The following VWDE variants were observed in gnomAD, a reference collection of about 807,000 sequenced individuals.
VWDE encodes von Willebrand factor D and EGF domains, also known as von Willebrand factor D and EGF domain-containing protein.
In VWDE, 207 loss-of-function variants were observed where a neutral mutation model predicts 178.4. That is an observed-to-expected ratio of 1.16 (90% CI 1.04 to 1.30). The LOEUF is 1.30. Ranked by LOEUF, VWDE falls within the 50% of genes most tolerant of loss-of-function variation. VWDE has a pLI of 0.00. For missense variants in VWDE, 2,287 were observed against 1,901.3 expected (o/e 1.20, Z -3.77); for synonymous variants, 738 against 651.4 (o/e 1.13, Z -2.02).
chr7:12,376,512 G>A (rs1162689424), intron 7 of VWDE, among the ~76,000 whole-genome samples: 2 of 152,064 alleles, frequency 1.3e-5, no homozygotes, highest in African/African-American at 4.8e-5. Flanking sequence ...TTGCCTTGTT[G>A]AAAGAATTGA....
intron 6 of VWDE, among the ~76,000 whole-genome samples, chr7:12,378,691 G>C (rs1308261141): frequency 6.6e-6 from 1 of 152,116 alleles, no homozygotes; most frequent in African/African-American, 2.4e-5. Flanking sequence ...CTTGACCTCT[G>C]CTTCCCCTCA....
At chr7:12,345,364 T>C (rs1433198887) in intron 19 of VWDE, among the ~76,000 whole-genome samples, 1 of 152,142 alleles carries the variant, frequency 6.6e-6, no homozygotes, top group Non-Finnish European at 1.5e-5. Flanking sequence ...ATAATTTTCT[T>C]TGTATCTTCT....
intron 28 of VWDE, among the ~76,000 whole-genome samples, chr7:12,332,206 G>C (rs1251535679): frequency 6.7e-6 from 1 of 149,102 alleles, no homozygotes; most frequent in Non-Finnish European, 1.5e-5. Flanking sequence ...AAAGACACCA[G>C]TGATCAACAG....
Position 12,373,138 on chromosome 7 carries a change from A to G in VWDE, c.1426T>C (p.Ser476Pro). 1 of 1,551,416 alleles carries G rather than the reference A, an allele frequency of 6.4e-7. No homozygotes were observed. Among genetic ancestry groups the G allele is most frequent in the African/African-American group, 1.4e-5 (1 of 73,140 alleles). ...TGGGCAACAAACCCACAATTACATGACACTGGATAGTGAAGGCTTCTGCAG... is the reference window on the plus strand; with the variant it reads ...TGGGCAACAAACCCACAATTACATGGCACTGGATAGTGAAGGCTTCTGCAG... The part of the protein sequence containing the change: ...WDCRSLHYPV[S>P]CNCGFVAQEG... The change falls in exon 10 of 29, where the codon TCA becomes CCA. Residue 476 changes from serine to proline, a missense_variant. Ser to Pro is a moderately conservative substitution (Grantham distance 74). Coordinates refer to ENST00000275358, the MANE Select transcript of VWDE (RefSeq NM_001135924.3).
Position 12,340,321 on chromosome 7 carries a change from C to T in VWDE, c.4366+1G>A. ...TTTACATACAAAGAAAGAATAATTA[C>T]CATTCTGACAGTGTTCCCCAAAGAA... is the stretch of plus-strand genomic sequence containing the variant. On this transcript the variant is annotated splice_donor_variant, in intron 24 of 28. Transcript: ENST00000275358. LOFTEE classifies it high-confidence loss of function. 1 of 1,548,268 alleles carries T rather than the reference C, an allele frequency of 6.5e-7. No individual in the cohort carries two copies. Among genetic ancestry groups the T allele is most frequent in the Non-Finnish European group, 8.7e-7 (1 of 1,144,578 alleles).
At chr7:12,334,529 C>A (rs1021891602) in intron 27 of VWDE, among the ~76,000 whole-genome samples, 3 of 152,168 alleles carry the variant, frequency 2.0e-5, no homozygotes, top group African/African-American at 7.2e-5. Flanking sequence ...GAGAAAGCAC[C>A]ATTCACATGA....
At chr7:12,388,637 C>T (rs1784221100) in intron 3 of VWDE, among the ~76,000 whole-genome samples, 1 of 152,144 alleles carries the variant, frequency 6.6e-6, no homozygotes, top group African/African-American at 2.4e-5. Context: ...TTGTCTGAAG[C>T]ATTCCACTAG....
chr7:12,396,426 C>T (rs1165968639), intron 1 of VWDE, among the ~76,000 whole-genome samples: 1 of 152,090 alleles, frequency 6.6e-6, no homozygotes, highest in Non-Finnish European at 1.5e-5. Context: ...GTATATTATC[C>T]TACAGGAATT....
chr7:12,337,638 G>C (rs1781117275), intron 24 of VWDE, among the ~76,000 whole-genome samples: 1 of 152,138 alleles, frequency 6.6e-6, no homozygotes, highest in Admixed American at 6.5e-5. Flanking sequence ...GCCTGTTCTT[G>C]TGGAAATTAG....
intron 2 of VWDE, among the ~76,000 whole-genome samples, chr7:12,390,558 A>G (rs1185282880): frequency 6.6e-6 from 1 of 151,752 alleles, no homozygotes; most frequent in African/African-American, 2.4e-5. Flanking sequence ...ATAATTTTTA[A>G]AATATAAAAG....
At position 12,374,718 on chromosome 7, in the gene VWDE, A is replaced by G. The variant is rs1415416938; in HGVS notation, c.1287T>C (p.Thr429=). The G allele has an allele frequency of 1.3e-6, 2 of 1,539,684 alleles. No individual in the cohort carries two copies. The highest frequency in any genetic ancestry group is 1.7e-6 in the Non-Finnish European group (2 of 1,143,014). Residue 429 remains threonine, a synonymous_variant, in exon 9 of 29, where the codon ACT becomes ACC. Transcript: ENST00000275358. The stretch of plus-strand genomic sequence containing the variant: ...CATCAAATGTAATTATATGTGGGTC[A>G]GTAAATGTATAGCAGTAAGCAGTTG... ...DVPTAYCYTF[T]DPHIITFDGR...
At chr7:12,352,581 A>G (rs181377536) in intron 18 of VWDE, among the ~76,000 whole-genome samples, 1 of 152,336 alleles carries the variant, frequency 6.6e-6, no homozygotes, top group African/African-American at 2.4e-5. Context: ...TTGGGAAAGA[A>G]AACGGCTAGA....
In VWDE at chr7:12,344,222, C is replaced by T. The variant is rs769617834; in HGVS notation, c.4051G>A (p.Gly1351Arg). Residue 1351 changes from glycine to arginine, a missense_variant, in exon 21 of 29, where the codon GGA (glycine) becomes AGA (arginine). Gly to Arg is a moderately radical substitution (Grantham distance 125, BLOSUM62 -2). Coordinates refer to ENST00000275358, the MANE Select transcript of VWDE (RefSeq NM_001135924.3). ...IKPNICQCLP[G>R]HGGATCDEEH... Reference sequence around the variant, plus strand: ...TCATCACAGGTTGCTCCACCATGTCCTGGAAGACACTGACAAATGTTAGGC... The same window carrying T: ...TCATCACAGGTTGCTCCACCATGTCTTGGAAGACACTGACAAATGTTAGGC... The T allele has an allele frequency of 4.5e-6, 7 of 1,550,966 alleles. No homozygotes were observed. Among genetic ancestry groups the T allele is most frequent in the Non-Finnish European group, 6.1e-6 (7 of 1,146,516 alleles).
chr7:12,381,500 A>C (rs569511600), intron 4 of VWDE, among the ~76,000 whole-genome samples: 57 of 152,230 alleles, frequency 3.7e-4, no homozygotes, highest in African/African-American at 1.3e-3. Context: ...AAATCACAAA[A>C]TAATCTTTCA....
At chr7:12,340,514 T>C in intron 23 of VWDE, 97 bp from the exon 24 acceptor site, 1 of 819,594 alleles carries the variant, frequency 1.2e-6, no homozygotes, top group Non-Finnish European at 1.9e-6. Flanking sequence ...TGAAATATTT[T>C]ATTTTTACTG....
chr7:12,384,663 T>C (rs1784013770), intron 3 of VWDE, among the ~76,000 whole-genome samples: 1 of 152,104 alleles, frequency 6.6e-6, no homozygotes, highest in African/African-American at 2.4e-5. Context: ...CAGAAATGTA[T>C]ACAACAGTTG....
In VWDE at chr7:12,359,597, A is replaced by G; in HGVS notation, c.3255T>C (p.Phe1085=). ...CLICRPKISR[F]TWSFLENNQP... ...ACTTACTTTCTAAAAATGACCAAGT[A>G]AATCTTGAAATTTTGGGTCTACAAA... The change falls in exon 16 of 29, where the codon TTT becomes TTC. Residue 1085 remains phenylalanine (F), a synonymous_variant. Coordinates refer to ENST00000275358, the MANE Select transcript of VWDE (RefSeq NM_001135924.3). 1 of 1,549,498 alleles carries G rather than the reference A, an allele frequency of 6.5e-7. No homozygotes were observed. Among genetic ancestry groups the G allele is most frequent in the South Asian group, 1.2e-5 (1 of 83,932 alleles).
chr7:12,396,428 A>G (rs1784629215), intron 1 of VWDE, among the ~76,000 whole-genome samples: 1 of 152,218 alleles, frequency 6.6e-6, no homozygotes, highest in African/African-American at 2.4e-5. Flanking sequence ...ATATTATCCT[A>G]CAGGAATTCC....
intron 28 of VWDE, among the ~76,000 whole-genome samples, chr7:12,332,774 C>T (rs1780796402): frequency 6.6e-6 from 1 of 152,238 alleles, no homozygotes; most frequent in African/African-American, 2.4e-5. Context: ...TCCATTTTGT[C>T]TCCAAGCCAA....
Sources: gnomAD v4.1 joint callset for allele counts (sites outside exome capture counted in the v4.1 genomes callset) on GRCh38, gnomAD v4.1.1 for gene constraint, MANE v1.5 for transcripts, NCBI Gene and HGNC (gene_info 2026-07-23, HGNC 2026-07-21) for gene names.